Variants in DAPK1 observed in about 807,000 individuals in gnomAD.
The protein encoded by DAPK1 is death associated protein kinase 1.
Under a neutral mutation model 144.9 loss-of-function variants are expected in DAPK1, and 56 were observed. The ratio of observed to expected loss-of-function variants is 0.39; its 90% CI spans 0.31 to 0.48. The LOEUF is 0.48. Ranked by LOEUF, DAPK1 falls within the 20% of genes least tolerant of loss-of-function variation. DAPK1 has a pLI of 0.95. For missense variants in DAPK1, 1,454 were observed against 1,875.4 expected (o/e 0.78, Z 4.15); for synonymous variants, 690 against 749.0 (o/e 0.92, Z 1.29).
At chr9:87,627,687 A>G (rs1452559265) in intron 3 of DAPK1, among the ~76,000 whole-genome samples, 1 of 152,136 alleles carries the variant, frequency 6.6e-6, no homozygotes, top group East Asian at 1.9e-4. Flanking sequence ...CATCTGTTTC[A>G]GCAAAACCCT....
intron 2 of DAPK1, among the ~76,000 whole-genome samples, chr9:87,539,452 CAG>C (rs1467304023): frequency 2.3e-5 from 2 of 86,006 alleles, no homozygotes; most frequent in Non-Finnish European, 4.8e-5. Flanking sequence ...TTTTTTGAGA[CAG>C]AGTCTCGCTC....
chr9:87,675,876 CACACACACACACACACACA>C (rs1411580711), intron 19 of DAPK1, among the ~76,000 whole-genome samples: 1 of 151,412 alleles, frequency 6.6e-6, no homozygotes, highest in African/African-American at 2.4e-5. Context: ...CACACACACA[CACACACACACACACACACA>C]CCCTTATGAC....
At position 87,640,812 on chromosome 9, in the gene DAPK1, A is replaced by G. The variant is rs1830068645; in HGVS notation, c.793A>G (p.Thr265Ala). 6.2e-7 allele frequency: 1 copy of G among 1,614,204 alleles called. No homozygotes were observed. ...CCCCCTCCCCTCAAGGAAGAGAATGACAATTCAAGATAGTTTGCAGCATCC... is the reference window on the plus strand; with the variant it reads ...CCCCCTCCCCTCAAGGAAGAGAATGGCAATTCAAGATAGTTTGCAGCATCC... ...LLVKDPKKRM[T>A]IQDSLQHPWI... The change falls in exon 9 of 26, where the codon ACA becomes GCA. Residue 265 changes from threonine to alanine, a missense_variant. This residue lies in a region of DAPK1 where 429 missense variants were observed against 637.5 expected (regional missense o/e 0.67). Transcript: ENST00000408954.
At position 87,640,330 on chromosome 9, in the gene DAPK1, C is replaced by T. The variant is rs376671813; in HGVS notation, c.662C>T (p.Thr221Ile). ...LSGASPFLGD[T>I]KQETLANVSA... The stretch of plus-strand genomic sequence containing the variant: ...GGGGCCTCCCCATTTCTTGGAGACA[C>T]TAAGCAAGAAACGTTAGCAAATGTA... Residue 221 changes from threonine to isoleucine, a missense_variant, in exon 8 of 26, where the codon ACT becomes ATT. By Grantham distance (89) the Thr-to-Ile change is moderately conservative. Coordinates refer to ENST00000408954, the MANE Select transcript of DAPK1 (RefSeq NM_004938.4). 1.2e-6 allele frequency: 2 copies of T among 1,614,168 alleles called. No individual in the cohort carries two copies. The highest frequency in any genetic ancestry group is 8.5e-7 in the Non-Finnish European group (1 of 1,180,006).
At chr9:87,693,249 AAG>A (rs1162245320) in intron 21 of DAPK1, among the ~76,000 whole-genome samples, 2 of 151,476 alleles carry the variant, frequency 1.3e-5, no homozygotes, top group African/African-American at 4.8e-5. Context: ...CATATGTCAC[AAG>A]AGTTTTGTTT....
chr9:87,668,476 A>G, intron 18 of DAPK1, 121 bp from the exon 19 acceptor site: 1 of 733,564 alleles, frequency 1.4e-6, no homozygotes, highest in Admixed American at 1.9e-5. Flanking sequence ...CTCTTTGTCC[A>G]CCTGGCTTGC....
chr9:87,523,098 A>C (rs1825361928), intron 2 of DAPK1, among the ~76,000 whole-genome samples: 1 of 152,078 alleles, frequency 6.6e-6, no homozygotes, highest in South Asian at 2.1e-4. Context: ...TAAAATGTGA[A>C]ACTTGTCATT....
intron 21 of DAPK1, among the ~76,000 whole-genome samples, chr9:87,692,879 T>C (rs1230449879): frequency 1.3e-5 from 2 of 150,762 alleles, no homozygotes; most frequent in Non-Finnish European, 3.0e-5. Flanking sequence ...CATTTCATTC[T>C]CTCCTGGCCA....
At chr9:87,668,387 G>C (rs974892812) in intron 18 of DAPK1, 1 of 562,202 alleles carries the variant, frequency 1.8e-6, no homozygotes. Flanking sequence ...CATGTGCTTT[G>C]TTCCTGCGTC....
intron 2 of DAPK1, among the ~76,000 whole-genome samples, chr9:87,537,358 AG>A (rs1237774960): frequency 6.6e-6 from 1 of 152,094 alleles, no homozygotes. Flanking sequence ...GTGTGTACGC[AG>A]TCAGCCAGCT....
intron 13 of DAPK1, among the ~76,000 whole-genome samples, chr9:87,646,943 G>A (rs1056321215): frequency 6.6e-6 from 1 of 152,076 alleles, no homozygotes; most frequent in African/African-American, 2.4e-5. Context: ...GAGTAGATCT[G>A]GCCCTCTGCA....
At chr9:87,582,474 A>G (rs1039742663) in intron 2 of DAPK1, among the ~76,000 whole-genome samples, 2 of 150,832 alleles carry the variant, frequency 1.3e-5, no homozygotes, top group African/African-American at 2.4e-5. Flanking sequence ...AGACTGACGC[A>G]CCTCCTCAGT....
At chr9:87,682,954 G>A (rs151164621) in intron 20 of DAPK1, among the ~76,000 whole-genome samples, 1 of 151,672 alleles carries the variant, frequency 6.6e-6, no homozygotes, top group East Asian at 1.9e-4. Flanking sequence ...TTTGTTTTTT[G>A]TCTTTGCATA....
chr9:87,616,071 T>A (rs1382766712), intron 3 of DAPK1, among the ~76,000 whole-genome samples: 2 of 152,374 alleles, frequency 1.3e-5, no homozygotes, highest in Admixed American at 6.5e-5. Context: ...ATTTAGAAGC[T>A]TTTGAAAGCC....
At position 87,691,875 on chromosome 9, in the gene DAPK1, T is replaced by G. The variant is rs921420897; in HGVS notation, c.2414-5132T>G. Among the ~76,000 whole-genome samples, 3 of 152,128 alleles carry G rather than the reference T, an allele frequency of 2.0e-5. 1 individual carries two copies. Among genetic ancestry groups the G allele is most frequent in the Admixed American group, 2.0e-4 (3 of 15,282 alleles). ...GATATGATTTCAATTTTTTTTACAT[T>G]TGTTGAGACTTTTCATGTGTCCTGA... On this transcript the variant is annotated intron_variant, in intron 21 of 25. Coordinates refer to ENST00000408954, the MANE Select transcript of DAPK1 (RefSeq NM_004938.4).
rs183557642 is a variant in DAPK1, at chr9:87,680,166, G to T, written c.2002-1238G>T. 0.01 allele frequency among the ~76,000 whole-genome samples: 1,542 copies of T among 152,006 alleles called. 80 individuals carry two copies. The East Asian group carries it at 0.14, about 14-fold the overall frequency. ...GTCACCCAGGCTGGAGTGCAGTGGC[G>T]TGATCTCCGCTCACTGCAAGCTCCA... is the stretch of plus-strand genomic sequence containing the variant. On this transcript the variant is annotated intron_variant, in intron 19 of 25. Transcript: ENST00000408954.
At chr9:87,704,743 A>G (rs373779063) in intron 25 of DAPK1, among the ~76,000 whole-genome samples, 2 of 152,162 alleles carry the variant, frequency 1.3e-5, no homozygotes, top group Admixed American at 6.5e-5. Context: ...GGAATTTTCA[A>G]CCTAGGTTCA....
intron 19 of DAPK1, among the ~76,000 whole-genome samples, chr9:87,674,986 C>G (rs1361705064): frequency 6.6e-6 from 1 of 152,192 alleles, no homozygotes; most frequent in African/African-American, 2.4e-5. Flanking sequence ...GTTCTAGGCA[C>G]TGCAGAGACC....
At chr9:87,541,157 G>A (rs1249346353) in intron 2 of DAPK1, among the ~76,000 whole-genome samples, 1 of 152,130 alleles carries the variant, frequency 6.6e-6, no homozygotes, top group African/African-American at 2.4e-5. Flanking sequence ...ATTGGATATT[G>A]GTTCCTACTT....
Sources: gnomAD v4.1 joint callset for allele counts (sites outside exome capture counted in the v4.1 genomes callset) on GRCh38, gnomAD v4.1.1 for gene constraint, gnomAD v4.1.1 regional missense constraint, MANE v1.5 for transcripts, NCBI Gene and HGNC (gene_info 2026-07-23, HGNC 2026-07-21) for gene names.